Variants in LUZP2 observed in about 807,000 individuals in gnomAD.
LUZP2 encodes the protein leucine zipper protein 2.
Under a neutral mutation model 51.6 loss-of-function variants are expected in LUZP2, and 52 were observed. The observed-to-expected ratio is 1.01, with a 90% CI of 0.81 to 1.27. The LOEUF is 1.27. Among genes scored for constraint, LUZP2 ranks in the 50% most tolerant of loss-of-function variants. LUZP2 has a pLI of 0.00. For missense variants in LUZP2, 436 were observed against 395.4 expected, an observed-to-expected ratio of 1.10 and a Z score of -0.87; for synonymous variants, 154 against 137.3, an observed-to-expected ratio of 1.12 and a Z score of -0.85.
chr11:24,572,733 G>A (rs73431181), intron 1 of LUZP2, among the ~76,000 whole-genome samples: 1,875 of 152,042 alleles, frequency 0.012, 44 homozygotes, highest in African/African-American at 0.043. Flanking sequence ...CTAATCATTC[G>A]TAATTTAGAC....
chr11:25,019,830 C>G (rs1057127471), intron 9 of LUZP2, among the ~76,000 whole-genome samples: 2 of 151,944 alleles, frequency 1.3e-5, no homozygotes, highest in African/African-American at 4.8e-5. Context: ...TGAGTAGGAT[C>G]GCATATTGTT....
intron 9 of LUZP2, among the ~76,000 whole-genome samples, chr11:24,988,523 T>C (rs1471082915): frequency 6.6e-6 from 1 of 152,036 alleles, no homozygotes; most frequent in Admixed American, 6.6e-5. Context: ...GACATGTTAC[T>C]GAATGTTAGA....
At chr11:24,750,481 C>T (rs1565116539) in intron 4 of LUZP2, among the ~76,000 whole-genome samples, 1 of 152,146 alleles carries the variant, frequency 6.6e-6, no homozygotes, top group African/African-American at 2.4e-5. Context: ...TTGTAAAACA[C>T]AGCTGATGTT....
At chr11:24,632,093 CTGTGTAA>C (rs1282715006) in intron 1 of LUZP2, among the ~76,000 whole-genome samples, 1 of 152,094 alleles carries the variant, frequency 6.6e-6, no homozygotes, top group Non-Finnish European at 1.5e-5. Flanking sequence ...TTCAGAATAA[CTGTGTAA>C]TGTCATTTCA....
chr11:25,078,396 A>G (rs552408420), intron 11 of LUZP2, among the ~76,000 whole-genome samples, 158 bp from the exon 12 acceptor site: 1 of 152,358 alleles, frequency 6.6e-6, no homozygotes. Flanking sequence ...TATAATTAAC[A>G]TCTTCACATT....
In LUZP2 at chr11:24,611,901, G is replaced by T. The variant is rs1854137003; in HGVS notation, c.62+114596G>T. ...AATAATCACAGGAGATAATATAAAT[G>T]TAGTCTTGAGTCAGACAATATGTGT... On this transcript the variant is annotated intron_variant, in intron 1 of 11. Transcript: ENST00000336930. This position sits in a 1 kb window ranked among gnomAD's most constrained non-coding sequence, Gnocchi z 4.6. 6.6e-6 allele frequency among the ~76,000 whole-genome samples: 1 copy of T among 152,160 alleles called. No homozygotes were observed. Among genetic ancestry groups the T allele is most frequent in the Non-Finnish European group, 1.5e-5 (1 of 67,998 alleles).
intron 8 of LUZP2, among the ~76,000 whole-genome samples, chr11:24,977,985 G>GT (rs1855926851): frequency 6.6e-6 from 1 of 151,404 alleles, no homozygotes; most frequent in African/African-American, 2.4e-5. Flanking sequence ...AATTAAGCAA[G>GT]TAAGATGATT....
chr11:24,878,238 T>C (rs950617315), intron 5 of LUZP2, among the ~76,000 whole-genome samples: 7 of 152,072 alleles, frequency 4.6e-5, no homozygotes, highest in African/African-American at 1.7e-4. Context: ...CTGGTGTTGA[T>C]GAAATCCCTC....
chr11:24,532,448 T>C, intron 1 of LUZP2, among the ~76,000 whole-genome samples: 1 of 150,984 alleles, frequency 6.6e-6, no homozygotes, highest in East Asian at 1.9e-4. Flanking sequence ...GATAAGTTAT[T>C]GAAGAAATAA....
At chr11:24,516,684 T>G (rs974822548) in intron 1 of LUZP2, among the ~76,000 whole-genome samples, 1 of 152,196 alleles carries the variant, frequency 6.6e-6, no homozygotes, top group African/African-American at 2.4e-5. Context: ...AAAATGAAGA[T>G]CAGCCCTGAA....
At chr11:24,760,455 G>T (rs914154620) in intron 4 of LUZP2, among the ~76,000 whole-genome samples, 3 of 152,018 alleles carry the variant, frequency 2.0e-5, no homozygotes, top group African/African-American at 7.2e-5. Context: ...CTACCTAATG[G>T]ACAATGAGGA....
intron 1 of LUZP2, among the ~76,000 whole-genome samples, chr11:24,527,143 T>C (rs185746574): frequency 1.1e-3 from 167 of 151,556 alleles, no homozygotes; most frequent in African/African-American, 3.7e-3. Flanking sequence ...AGAACTAGCA[T>C]AATTGCCATT....
chr11:24,541,757 G>A (rs1851372175), intron 1 of LUZP2, among the ~76,000 whole-genome samples: 1 of 152,026 alleles, frequency 6.6e-6, no homozygotes, highest in Non-Finnish European at 1.5e-5. Context: ...GATGTCAAGT[G>A]ATTACTGATA....
intron 1 of LUZP2, among the ~76,000 whole-genome samples, chr11:24,505,156 ACTT>A (rs1270950034): frequency 2.0e-5 from 3 of 152,102 alleles, no homozygotes; most frequent in African/African-American, 7.2e-5. Flanking sequence ...GGAGGATGTG[ACTT>A]CTTCTGACTT....
chr11:24,998,818 T>G (rs936418534), intron 9 of LUZP2, among the ~76,000 whole-genome samples: 1 of 152,178 alleles, frequency 6.6e-6, no homozygotes, highest in Non-Finnish European at 1.5e-5. Flanking sequence ...TTTCATTTTT[T>G]TTTGTTTTTG....
chr11:24,602,383 TATATACAC>T (rs1378860145), intron 1 of LUZP2, among the ~76,000 whole-genome samples: 1 of 43,140 alleles, frequency 2.3e-5, no homozygotes, highest in Admixed American at 3.6e-4. Flanking sequence ...TGTATATATA[TATATACAC>T]ACACACACAC....
intron 9 of LUZP2, among the ~76,000 whole-genome samples, chr11:24,985,043 T>G (rs991878750): frequency 6.6e-6 from 1 of 151,766 alleles, no homozygotes; most frequent in African/African-American, 2.4e-5. Context: ...ACCCTTCTTC[T>G]TCTTATAAAT....
chr11:24,735,853 G>C (rs557288206), intron 3 of LUZP2, among the ~76,000 whole-genome samples: 1 of 152,074 alleles, frequency 6.6e-6, no homozygotes, highest in Non-Finnish European at 1.5e-5. Flanking sequence ...GCAAATCTCA[G>C]TTGGTATTGG....
intron 1 of LUZP2, among the ~76,000 whole-genome samples, chr11:24,651,340 C>T (rs568639795): frequency 6.6e-6 from 1 of 152,162 alleles, no homozygotes; most frequent in Non-Finnish European, 1.5e-5. Flanking sequence ...CTAAAGTGCC[C>T]AGCACAGAGA....
Sources: gnomAD v4.1 joint callset for allele counts (sites outside exome capture counted in the v4.1 genomes callset) on GRCh38, gnomAD v4.1.1 for gene constraint, Gnocchi (gnomAD v3.1) non-coding constraint, MANE v1.5 for transcripts, NCBI Gene and HGNC (gene_info 2026-07-23, HGNC 2026-07-21) for gene names.